Variants in PRDM2 observed in about 807,000 individuals in gnomAD.
PRDM2 encodes the protein PR/SET domain 2.
PRDM2 carries 30 observed loss-of-function variants against 130.0 expected under a neutral mutation model. That is an observed-to-expected ratio of 0.23 (90% CI 0.17 to 0.31). PRDM2 has a LOEUF of 0.31. PRDM2 is among the 10% of genes least tolerant of loss of function. PRDM2 has a pLI of 1.00. For missense variants in PRDM2, 2,011 were observed against 2,108.4 expected (o/e 0.95, Z 0.90); for synonymous variants, 871 against 782.4 (o/e 1.11, Z -1.89).
intron 5 of PRDM2, among the ~76,000 whole-genome samples, chr1:13,748,520 A>G (rs1385087743): frequency 6.6e-6 from 1 of 152,196 alleles, no homozygotes; most frequent in Non-Finnish European, 1.5e-5. Context: ...ACTTGTATTG[A>G]TACCCTTGTA....
chr1:13,749,227 G>C (rs1036037204), intron 5 of PRDM2, 134 bp from the exon 6 acceptor site: 40 of 857,786 alleles, frequency 4.7e-5, no homozygotes, highest in African/African-American at 3.7e-5. Context: ...CCTTCCTGCC[G>C]GCCGGGTGCG....
At chr1:13,764,884 C>CT (rs1364707898) in intron 6 of PRDM2, among the ~76,000 whole-genome samples, 5 of 152,284 alleles carry the variant, frequency 3.3e-5, no homozygotes, top group African/African-American at 9.6e-5. Flanking sequence ...TTCTTGGTGA[C>CT]TTTAACTGCA....
chr1:13,784,822 C>G (rs1644700477), intron 8 of PRDM2, among the ~76,000 whole-genome samples: 1 of 152,198 alleles, frequency 6.6e-6, no homozygotes, highest in Admixed American at 6.5e-5. Context: ...GGTGGCAGCT[C>G]TTCCTCCTCT....
At chr1:13,813,872 G>C (rs1049496257) in intron 8 of PRDM2, among the ~76,000 whole-genome samples, 2 of 152,200 alleles carry the variant, frequency 1.3e-5, no homozygotes, top group African/African-American at 4.8e-5. Flanking sequence ...TAAAGGGAGC[G>C]GAGACACACT....
intron 3 of PRDM2, 47 bp downstream of exon 3, chr1:13,731,164 G>GAAGCCTCACTGCCACCTGCTCT: frequency 6.7e-7 from 1 of 1,494,114 alleles, no homozygotes; most frequent in Non-Finnish European, 9.3e-7. Flanking sequence ...TAAAGAGCAG[G>GAAGCCTCACTGCCACCTGCTCT]TGGCAGTGAG....
At chr1:13,749,562 CT>C in intron 6 of PRDM2, 75 bp downstream of exon 6, 1 of 971,974 alleles carries the variant, frequency 1.0e-6, no homozygotes, top group Non-Finnish European at 1.2e-6. Context: ...GCCCTCGCTG[CT>C]GCTGGCCCGA....
chr1:13,732,773 T>G lies in PRDM2; in HGVS notation c.128-6T>G. 1 of 1,561,488 alleles carries G rather than the reference T, an allele frequency of 6.4e-7. No individual in the cohort carries two copies. The highest frequency in any genetic ancestry group is 8.7e-7 in the Non-Finnish European group (1 of 1,147,082). On this transcript the variant is annotated splice_region_variant and splice_polypyrimidine_tract_variant and intron_variant, in intron 3 of 9. Coordinates refer to ENST00000311066, the MANE Select transcript of PRDM2 (RefSeq NM_001393986.1). ...ACATTATAAAAATACTGATTTTATT[T>G]TCTAGGTGTCTGGGCCACTAAACCA... is the stretch of plus-strand genomic sequence containing the variant.
rs1381440287 is a variant in PRDM2, at chr1:13,808,479, A to C, written c.5037-7948A>C. On this transcript the variant is annotated intron_variant, in intron 8 of 9. Coordinates refer to ENST00000311066, the MANE Select transcript of PRDM2 (RefSeq NM_001393986.1). The stretch of plus-strand genomic sequence containing the variant: ...ACTCTGTCTCAAAAAAAAAAAAAAA[A>C]AAAACAGTTGATGCTGAACTTGTTC... Among the ~76,000 whole-genome samples the C allele has an allele frequency of 2.6e-5, 4 of 151,938 alleles. No individual in the cohort carries two copies. The East Asian group carries it at 5.8e-4, about 22-fold the overall frequency.
At chr1:13,726,633 A>C (rs1221364240) in intron 2 of PRDM2, among the ~76,000 whole-genome samples, 1 of 152,216 alleles carries the variant, frequency 6.6e-6, no homozygotes, top group Non-Finnish European at 1.5e-5. Flanking sequence ...GAAACATCGA[A>C]TTAATGAGAT....
chr1:13,815,024 T>C (rs1206309602), intron 8 of PRDM2, among the ~76,000 whole-genome samples: 2 of 152,202 alleles, frequency 1.3e-5, no homozygotes, highest in Non-Finnish European at 2.9e-5. Context: ...GTTAGATTGT[T>C]TGTGTATGGA....
intron 2 of PRDM2, among the ~76,000 whole-genome samples, chr1:13,729,008 T>C (rs1643015368): frequency 6.6e-6 from 1 of 152,160 alleles, no homozygotes; most frequent in South Asian, 2.1e-4. Flanking sequence ...TCCTTGATGA[T>C]TAGGACTGAC....
At chr1:13,713,698 A>G (rs1003098805) in intron 1 of PRDM2, among the ~76,000 whole-genome samples, 1 of 152,118 alleles carries the variant, frequency 6.6e-6, no homozygotes, top group Non-Finnish European at 1.5e-5. Flanking sequence ...TACCTATAAA[A>G]GCTTTGTCAG....
intron 8 of PRDM2, among the ~76,000 whole-genome samples, chr1:13,791,816 G>A (rs999165727): frequency 4.6e-5 from 7 of 152,300 alleles, no homozygotes; most frequent in African/African-American, 9.6e-5. Context: ...GACCTGTTGC[G>A]GGTAATAGGA....
At chr1:13,807,158 G>A (rs760548563) in intron 8 of PRDM2, among the ~76,000 whole-genome samples, 2 of 152,200 alleles carry the variant, frequency 1.3e-5, no homozygotes, top group Non-Finnish European at 2.9e-5. Context: ...GGCCTCGTAC[G>A]GGCATCAAAC....
intron 6 of PRDM2, among the ~76,000 whole-genome samples, chr1:13,760,356 T>A (rs1401866868): frequency 1.3e-5 from 2 of 152,084 alleles, no homozygotes; most frequent in African/African-American, 4.8e-5. Flanking sequence ...TGCCTAAAAA[T>A]TTTTTTTAGT....
At chr1:13,753,452 A>C (rs561795219) in intron 6 of PRDM2, among the ~76,000 whole-genome samples, 1 of 152,330 alleles carries the variant, frequency 6.6e-6, no homozygotes, top group South Asian at 2.1e-4. Flanking sequence ...GTAATATTTT[A>C]TCTGTCTCTA....
In PRDM2 at chr1:13,778,833, T is replaced by C; in HGVS notation, c.1038T>C (p.Thr346=). The C allele has an allele frequency of 6.2e-7, 1 of 1,614,154 alleles. No individual in the cohort carries two copies. Among genetic ancestry groups the C allele is most frequent in the Non-Finnish European group, 8.5e-7 (1 of 1,180,036 alleles). ...CACCTGCCATGCAAATCCCCAGAACTAAAGAAGAGGCCAATGGTGATGTAT... is the reference window on the plus strand; with the variant it reads ...CACCTGCCATGCAAATCCCCAGAACCAAAGAAGAGGCCAATGGTGATGTAT... The part of the protein sequence containing the change: ...EVTPAMQIPR[T]KEEANGDVFE... The change falls in exon 8 of 10, where the codon ACT becomes ACC. Residue 346 remains threonine, a synonymous_variant. Coordinates refer to ENST00000311066, the MANE Select transcript of PRDM2 (RefSeq NM_001393986.1).
intron 2 of PRDM2, among the ~76,000 whole-genome samples, chr1:13,719,872 C>G (rs759362434): frequency 6.6e-6 from 1 of 151,962 alleles, no homozygotes; most frequent in East Asian, 1.9e-4. Flanking sequence ...AGAATTTTAG[C>G]GATTTTAATA....
chr1:13,795,464 C>G (rs1005358556), intron 8 of PRDM2, among the ~76,000 whole-genome samples: 3 of 152,196 alleles, frequency 2.0e-5, no homozygotes, highest in African/African-American at 7.2e-5. Flanking sequence ...TGTGCTACCT[C>G]TCGTCTGTGG....
Sources: gnomAD v4.1 joint callset for allele counts (sites outside exome capture counted in the v4.1 genomes callset) on GRCh38, gnomAD v4.1.1 for gene constraint, MANE v1.5 for transcripts, NCBI Gene and HGNC (gene_info 2026-07-23, HGNC 2026-07-21) for gene names.